Variants in POR observed in about 807,000 individuals in gnomAD.
POR encodes cytochrome p450 oxidoreductase.
Under a neutral mutation model 84.0 loss-of-function variants are expected in POR, and 56 were observed. The observed-to-expected ratio is 0.67, with a 90% CI of 0.54 to 0.83. The LOEUF is 0.83. Among genes scored for constraint, POR ranks in the 40% least tolerant of loss-of-function variants. The probability of loss-of-function intolerance (pLI) is 0.00; values close to 1 mark genes in which losing one functional copy is unlikely to be tolerated. For missense variants in POR, 938 were observed against 944.3 expected, an observed-to-expected ratio of 0.99 and a Z score of 0.09; for synonymous variants, 414 against 400.5, an observed-to-expected ratio of 1.03 and a Z score of -0.40.
At chr7:75,934,122 AGTGTGTGT>A (rs58236447) in intron 1 of POR, among the ~76,000 whole-genome samples, 2,948 of 126,832 alleles carry the variant, frequency 0.023, 72 homozygotes, top group Admixed American at 0.08. Context: ...AAGACCTCAG[AGTGTGTGT>A]GTGTGTGTGT....
At position 75,984,859 on chromosome 7, in the gene POR, G is replaced by A. The variant is rs782134219; in HGVS notation, c.1149G>A (p.Pro383=). Residue 383 remains proline, a synonymous_variant, in exon 11 of 16, where the codon CCG becomes CCA. Transcript: ENST00000461988. ...CCTACTACCTGGACATCACCAACCC[G>A]CCGCGTACCAACGTGCTGTACGAGC... The A allele has an allele frequency of 4.3e-6, 7 of 1,612,410 alleles. No homozygotes were observed. The highest frequency in any genetic ancestry group is 2.7e-5 in the African/African-American group (2 of 74,898).
chr7:75,958,100 G>T (rs1787765001), intron 2 of POR, among the ~76,000 whole-genome samples: 1 of 152,108 alleles, frequency 6.6e-6, no homozygotes, highest in African/African-American at 2.4e-5. Context: ...AGGCTCTCAG[G>T]TGTTATGGAT....
intron 1 of POR, among the ~76,000 whole-genome samples, chr7:75,917,273 G>T (rs773182593): frequency 6.6e-6 from 1 of 151,902 alleles, no homozygotes; most frequent in Admixed American, 6.6e-5. Flanking sequence ...TTGCCATGTT[G>T]CCCAGGCTGG....
At chr7:75,919,213 C>A (rs782143555) in intron 1 of POR, among the ~76,000 whole-genome samples, 7 of 152,072 alleles carry the variant, frequency 4.6e-5, no homozygotes, top group African/African-American at 1.2e-4. Flanking sequence ...CTAATATCCT[C>A]TCTGGGTGAA....
At chr7:75,928,870 C>T (rs1807279263) in intron 1 of POR, among the ~76,000 whole-genome samples, 1 of 151,978 alleles carries the variant, frequency 6.6e-6, no homozygotes, top group East Asian at 1.9e-4. Context: ...CAGCTAGCTG[C>T]CGGCAAGTAC....
intron 4 of POR, among the ~76,000 whole-genome samples, chr7:75,979,984 G>T (rs1437873813): frequency 2.0e-5 from 3 of 152,192 alleles, no homozygotes; most frequent in African/African-American, 7.2e-5. Flanking sequence ...ATATCAGTGT[G>T]CACCGGGGCT....
At chr7:75,985,891 G>A (rs1789416940) in intron 13 of POR, 32 bp from the exon 14 acceptor site, 1 of 1,559,248 alleles carries the variant, frequency 6.4e-7, no homozygotes, top group Non-Finnish European at 8.7e-7. Flanking sequence ...ACGACTGGGA[G>A]CCCCGCGCTC....
chr7:75,940,317 C>G (rs1279549155), intron 1 of POR, among the ~76,000 whole-genome samples: 1 of 151,400 alleles, frequency 6.6e-6, no homozygotes, highest in Admixed American at 6.6e-5. Flanking sequence ...AAACTCCTGA[C>G]CTCAGGTGAT....
chr7:75,969,486 G>A (rs937971617), intron 2 of POR, among the ~76,000 whole-genome samples: 39 of 152,182 alleles, frequency 2.6e-4, no homozygotes, highest in Admixed American at 2.6e-4. Flanking sequence ...TCATGCCCTC[G>A]GTGCCTGGCG....
intron 6 of POR, 53 bp downstream of exon 6, chr7:75,981,225 G>A (rs782488198): frequency 1.6e-5 from 24 of 1,483,160 alleles, no homozygotes; most frequent in East Asian, 2.5e-5. Context: ...GGCAGGGGCC[G>A]TGGAACGTGA....
chr7:75,955,978 C>T (rs1787669401), intron 2 of POR, among the ~76,000 whole-genome samples: 1 of 152,122 alleles, frequency 6.6e-6, no homozygotes, highest in South Asian at 2.1e-4. Flanking sequence ...ATACCATGGA[C>T]AGGGAATTAG....
intron 4 of POR, chr7:75,979,790 C>A: frequency 1.6e-6 from 1 of 637,586 alleles, no homozygotes; most frequent in Non-Finnish European, 2.5e-6. Flanking sequence ...ACGTGCCAGG[C>A]ATCGTTTCCC....
At chr7:75,984,288 T>C (rs2116618246) in intron 10 of POR, among the ~76,000 whole-genome samples, 1 of 152,248 alleles carries the variant, frequency 6.6e-6, no homozygotes, top group South Asian at 2.1e-4. Context: ...CAGTAGCCAT[T>C]ACGCGGGGCT....
chr7:75,965,702 C>T (rs1182861813), intron 2 of POR, among the ~76,000 whole-genome samples: 8 of 152,170 alleles, frequency 5.3e-5, no homozygotes, highest in Non-Finnish European at 7.3e-5. Flanking sequence ...CTGCTGAGGT[C>T]GTCAGAAGAG....
chr7:75,962,341 T>G (rs1322442224), intron 2 of POR, among the ~76,000 whole-genome samples: 2 of 152,106 alleles, frequency 1.3e-5, no homozygotes, highest in Non-Finnish European at 2.9e-5. Flanking sequence ...TCACCCAGGC[T>G]GGAGTGCAGG....
chr7:75,915,384 A>G (rs1218730933), intron 1 of POR: 1 of 152,254 alleles, frequency 6.6e-6, no homozygotes, highest in Non-Finnish European at 1.5e-5. Flanking sequence ...CCCTTCCCCT[A>G]GAGCTGATCT....
intron 2 of POR, among the ~76,000 whole-genome samples, chr7:75,966,169 T>G (rs888540539): frequency 6.6e-6 from 1 of 152,152 alleles, no homozygotes; most frequent in Non-Finnish European, 1.5e-5. Context: ...CAGTAGGCAC[T>G]CAGTAAGAAG....
intron 1 of POR, among the ~76,000 whole-genome samples, chr7:75,939,890 G>A (rs1285835513): frequency 6.6e-6 from 1 of 151,522 alleles, no homozygotes; most frequent in Admixed American, 6.6e-5. Context: ...TTACAGGCGT[G>A]AGCCACCGCA....
chr7:75,963,458 C>A (rs889140652), intron 2 of POR, among the ~76,000 whole-genome samples: 4 of 152,220 alleles, frequency 2.6e-5, no homozygotes, highest in Non-Finnish European at 4.4e-5. Context: ...GGGGAGGTTT[C>A]TGTCACTCTG....
Sources: allele counts gnomAD v4.1 joint callset (sites outside exome capture counted in the v4.1 genomes callset), GRCh38; gene constraint gnomAD v4.1.1; transcripts MANE v1.5; gene names NCBI Gene and HGNC (gene_info 2026-07-23, HGNC 2026-07-21).